Variants in CTNNA3 observed in about 807,000 individuals in gnomAD.
The protein encoded by CTNNA3 is catenin alpha-3.
Under a neutral mutation model 95.7 loss-of-function variants are expected in CTNNA3, and 76 were observed. That is an observed-to-expected ratio of 0.79 (90% CI 0.66 to 0.96). CTNNA3 has a LOEUF of 0.96. CTNNA3 is among the 40% of genes least tolerant of loss of function. The pLI is 0.00. For synonymous variants in CTNNA3, 431 were observed against 374.4 expected (o/e 1.15, Z -1.74); for missense variants, 1,191 against 1,089.8 (o/e 1.09, Z -1.31).
At chr10:67,491,448 A>G (rs980023224) in intron 5 of CTNNA3, among the ~76,000 whole-genome samples, 3 of 152,216 alleles carry the variant, frequency 2.0e-5, no homozygotes, top group African/African-American at 7.2e-5. Flanking sequence ...TCGAAACACC[A>G]TAAAGTAGTA....
intron 1 of CTNNA3, among the ~76,000 whole-genome samples, chr10:67,674,309 G>A (rs1024392518): frequency 3.9e-5 from 6 of 152,072 alleles, no homozygotes; most frequent in Admixed American, 3.9e-4. Flanking sequence ...ATGTGAGAAA[G>A]GTGGTCATCT....
chr10:66,720,088 C>A (rs190876788), intron 9 of CTNNA3, among the ~76,000 whole-genome samples: 130 of 152,138 alleles, frequency 8.5e-4, no homozygotes, highest in African/African-American at 3.1e-3. Context: ...CCCATGCACT[C>A]CAGGTAATTA....
chr10:66,850,149 A>C (rs1215837049), intron 7 of CTNNA3, among the ~76,000 whole-genome samples: 1 of 152,186 alleles, frequency 6.6e-6, no homozygotes, highest in African/African-American at 2.4e-5. Flanking sequence ...AGGGGAAGAA[A>C]TGTTGTCCAA....
At chr10:66,456,411 C>A (rs1406356551) in intron 11 of CTNNA3, among the ~76,000 whole-genome samples, 6 of 152,136 alleles carry the variant, frequency 3.9e-5, no homozygotes, top group Admixed American at 3.9e-4. Flanking sequence ...AAAAGACAGT[C>A]TTTGCAACAA....
At chr10:67,305,585 T>C (rs1840520579) in intron 5 of CTNNA3, among the ~76,000 whole-genome samples, 1 of 151,774 alleles carries the variant, frequency 6.6e-6, no homozygotes, top group African/African-American at 2.4e-5. Flanking sequence ...AAGGTCACAA[T>C]GTGAATTGTA....
chr10:66,375,908 G>A (rs1031372995), intron 12 of CTNNA3, among the ~76,000 whole-genome samples: 2 of 152,000 alleles, frequency 1.3e-5, no homozygotes, highest in Non-Finnish European at 2.9e-5. Context: ...TTCCAGTCTC[G>A]GCCTCATCAG....
chr10:66,367,850 T>TATAATA lies in CTNNA3; in HGVS notation c.1732+11296_1732+11301dup, dbSNP rs201921395. The stretch of plus-strand genomic sequence containing the variant: ...TTCTGCATCTTTTTAAGGCTTCTTT[T>TATAATA]ATAATAATAATAATAATAATAATAA... On this transcript the variant is annotated intron_variant, in intron 12 of 17. Coordinates refer to ENST00000433211, the MANE Select transcript of CTNNA3 (RefSeq NM_013266.4). Among the ~76,000 whole-genome samples, 24 of 100,224 alleles carry TATAATA rather than the reference T, an allele frequency of 2.4e-4. 1 individual carries two copies. Among genetic ancestry groups the TATAATA allele is most frequent in the African/African-American group, 9.1e-4 (22 of 24,106 alleles). The allele number at this position is 100,224 out of a possible 152,430, so 65.8% of individuals were successfully genotyped here.
chr10:66,354,671 C>T (rs908186794), intron 12 of CTNNA3, among the ~76,000 whole-genome samples: 1 of 151,944 alleles, frequency 6.6e-6, no homozygotes, highest in Admixed American at 6.6e-5. Context: ...TGGATTTAGG[C>T]TTTCACTTCA....
chr10:65,929,662 G>A (rs909465094), intron 17 of CTNNA3, among the ~76,000 whole-genome samples: 9 of 150,788 alleles, frequency 6.0e-5, no homozygotes, highest in South Asian at 2.1e-4. Context: ...TCCACCTTCC[G>A]GGTTCACGCC....
At chr10:66,760,183 C>T (rs941660969) in intron 9 of CTNNA3, among the ~76,000 whole-genome samples, 2 of 152,024 alleles carry the variant, frequency 1.3e-5, no homozygotes, top group Non-Finnish European at 2.9e-5. Flanking sequence ...CAAAATAGTC[C>T]ACACGCAGGC....
intron 9 of CTNNA3, among the ~76,000 whole-genome samples, chr10:66,752,661 A>G (rs1839194112): frequency 6.6e-6 from 1 of 152,212 alleles, no homozygotes; most frequent in African/African-American, 2.4e-5. Flanking sequence ...AATAGAGAAC[A>G]TATTTATAAA....
At chr10:66,400,961 G>GAA (rs962222151) in intron 11 of CTNNA3, among the ~76,000 whole-genome samples, 1 of 152,000 alleles carries the variant, frequency 6.6e-6, no homozygotes, top group African/African-American at 2.4e-5. Flanking sequence ...TTCTGAATTG[G>GAA]AAAATGGGGA....
At chr10:67,538,558 C>T (rs1363555708) in intron 4 of CTNNA3, among the ~76,000 whole-genome samples, 1 of 146,652 alleles carries the variant, frequency 6.8e-6, no homozygotes, top group Non-Finnish European at 1.5e-5. Context: ...CCAACCCAGG[C>T]GACAGTGCGA....
intron 9 of CTNNA3, among the ~76,000 whole-genome samples, chr10:66,740,678 G>A (rs1418753515): frequency 6.6e-6 from 1 of 152,144 alleles, no homozygotes; most frequent in Non-Finnish European, 1.5e-5. Flanking sequence ...ACAAACAGAA[G>A]CTCCTTTTGC....
At chr10:66,990,974 T>C (rs562548568) in intron 7 of CTNNA3, among the ~76,000 whole-genome samples, 16 of 152,312 alleles carry the variant, frequency 1.1e-4, no homozygotes, top group Admixed American at 9.2e-4. Flanking sequence ...TGAGTAATCA[T>C]GATGGCATGT....
intron 9 of CTNNA3, among the ~76,000 whole-genome samples, chr10:66,676,358 T>C (rs1048757832): frequency 1.3e-5 from 2 of 152,074 alleles, no homozygotes; most frequent in Non-Finnish European, 2.9e-5. Context: ...CTGAAATTAA[T>C]AGCCAGGTGT....
In CTNNA3 at chr10:67,647,618, C is replaced by T. The variant is rs1173578791; in HGVS notation, c.-5-100G>A. ...GAATAGGTAAAACTTGTATTCAGCA[C>T]CTCTTCCTGATATCAACCATAGCCC... On this transcript the variant is annotated intron_variant, in intron 1 of 17. Coordinates refer to ENST00000433211, the MANE Select transcript of CTNNA3 (RefSeq NM_013266.4). 3.5e-6 allele frequency: 3 copies of T among 865,778 alleles called. No homozygotes were observed. The East Asian group carries it at 7.6e-5, about 22-fold the overall frequency. The allele number at this position is 865,778 out of a possible 1,614,324, so 53.6% of individuals were successfully genotyped here.
At chr10:66,880,401 G>A (rs1844801093) in intron 7 of CTNNA3, among the ~76,000 whole-genome samples, 1 of 152,098 alleles carries the variant, frequency 6.6e-6, no homozygotes, top group Admixed American at 6.6e-5. Flanking sequence ...ACCCTGGAGA[G>A]CTGATGGACA....
intron 16 of CTNNA3, among the ~76,000 whole-genome samples, chr10:65,968,863 A>T (rs1330995134): frequency 6.6e-6 from 1 of 152,152 alleles, no homozygotes. Context: ...GTACCCACTC[A>T]CTGGATTATG....
Sources: allele counts gnomAD v4.1 joint callset (sites outside exome capture counted in the v4.1 genomes callset), GRCh38; gene constraint gnomAD v4.1.1; transcripts MANE v1.5; gene names NCBI Gene and HGNC (gene_info 2026-07-23, HGNC 2026-07-21).